Variants in PCBP3 observed in about 807,000 individuals in gnomAD.
PCBP3 encodes poly(rC)-binding protein 3.
A neutral mutation model predicts 52.7 loss-of-function variants in PCBP3; 25 were observed. The observed-to-expected ratio is 0.47, with a 90% CI of 0.35 to 0.66. The LOEUF (loss-of-function observed/expected upper bound fraction) is 0.66. Among genes scored for constraint, PCBP3 ranks in the 30% least tolerant of loss-of-function variants. The pLI is 0.01. For missense variants in PCBP3, 391 were observed against 490.3 expected, an observed-to-expected ratio of 0.80 and a Z score of 1.91; for synonymous variants, 162 against 183.0, an observed-to-expected ratio of 0.89 and a Z score of 0.93.
rs1414699736 is a variant in PCBP3 at position 45,737,883 on chromosome 21, T to C, written c.-162+2454T>C. On this transcript the variant is annotated intron_variant, in intron 3 of 17. Coordinates refer to ENST00000681687, the MANE Select transcript of PCBP3 (RefSeq NM_001384156.1). The surrounding 1 kb of genome is among the most constrained non-coding windows in gnomAD (Gnocchi z 4.9). ...CCATGATGAAGCAGAGCGGAGCTCA[T>C]CTGAGTGGATGTTTCCCAGGGGAGC... is the stretch of plus-strand genomic sequence containing the variant. Among the ~76,000 whole-genome samples the C allele has an allele frequency of 6.6e-6, 1 of 152,242 alleles. No homozygotes were observed. The highest frequency in any genetic ancestry group is 1.5e-5 in the Non-Finnish European group (1 of 68,042).
At chr21:45,858,620 C>G (rs770228741) in intron 5 of PCBP3, 1 of 152,200 alleles carries the variant, frequency 6.6e-6, no homozygotes, top group Non-Finnish European at 1.5e-5. Flanking sequence ...GACTCTGTTC[C>G]CAAACTGAAC....
At chr21:45,903,509 G>T (rs971747673) in intron 9 of PCBP3, among the ~76,000 whole-genome samples, 5 of 152,116 alleles carry the variant, frequency 3.3e-5, no homozygotes, top group Non-Finnish European at 5.9e-5. Flanking sequence ...CATCCCTGGG[G>T]CCTGGTGGTG....
At chr21:45,706,529 T>G (rs1299817716) in intron 2 of PCBP3, among the ~76,000 whole-genome samples, 3 of 152,024 alleles carry the variant, frequency 2.0e-5, no homozygotes, top group African/African-American at 7.3e-5. Context: ...CTATCTCTAT[T>G]TCTCTCTCTC....
Position 45,650,560 on chromosome 21 carries a change from C to G in PCBP3, c.-279+6692C>G, listed in dbSNP as rs544472539. On this transcript the variant is annotated intron_variant, in intron 1 of 17. Transcript: ENST00000681687. ...TGAAGTCCTGGACTCGAGTGATCTTCTTGCCTTAACTTCTTGATTAGCTGG... is the reference window on the plus strand; with the variant it reads ...TGAAGTCCTGGACTCGAGTGATCTTGTTGCCTTAACTTCTTGATTAGCTGG... Among the ~76,000 whole-genome samples the G allele has an allele frequency of 6.6e-5, 10 of 152,236 alleles. No homozygotes were observed. The East Asian group carries it at 1.9e-3, about 29-fold the overall frequency.
At chr21:45,831,022 G>A (rs1292379047) in intron 4 of PCBP3, 2 of 152,412 alleles carry the variant, frequency 1.3e-5, no homozygotes, top group African/African-American at 4.8e-5. Context: ...TGGAGCTGAA[G>A]CCAGTTTTCT....
At chr21:45,924,942 T>C (rs548666227) in intron 13 of PCBP3, among the ~76,000 whole-genome samples, 15 of 39,276 alleles carry the variant, frequency 3.8e-4, no homozygotes, top group African/African-American at 1.5e-3. Flanking sequence ...CGGGTGTGCG[T>C]GAGGAGATGC....
At chr21:45,661,853 T>TTGTTGTTGTAAGATG (rs1319865454) in intron 1 of PCBP3, among the ~76,000 whole-genome samples, 1 of 152,254 alleles carries the variant, frequency 6.6e-6, no homozygotes, top group Non-Finnish European at 1.5e-5. Flanking sequence ...TGTAAGATGA[T>TTGTTGTTGTAAGATG]ATCTCATTGT....
intron 17 of PCBP3, among the ~76,000 whole-genome samples, chr21:45,940,700 C>T (rs879609748): frequency 2.6e-5 from 4 of 152,104 alleles, no homozygotes; most frequent in Non-Finnish European, 5.9e-5. Context: ...CTGCACCCCA[C>T]TCGGCCTCAA....
rs1313018057 is a variant in PCBP3, at chr21:45,724,729, G to A, written c.-199-10663G>A. Among the ~76,000 whole-genome samples the A allele has an allele frequency of 2.0e-5, 3 of 151,742 alleles. No individual in the cohort carries two copies. Among genetic ancestry groups the A allele is most frequent in the Middle Eastern group, 3.4e-3 (1 of 294 alleles). ...GAACCCGCCCCCCTCAGCTGGAGTGGCACTCTGTAACCCGCCCCCCCTCAG... is the reference window on the plus strand; with the variant it reads ...GAACCCGCCCCCCTCAGCTGGAGTGACACTCTGTAACCCGCCCCCCCTCAG... On this transcript the variant is annotated intron_variant, in intron 2 of 17. Coordinates refer to ENST00000681687, the MANE Select transcript of PCBP3 (RefSeq NM_001384156.1). The surrounding 1 kb of genome is among the most constrained non-coding windows in gnomAD (Gnocchi z 5.3).
intron 4 of PCBP3, among the ~76,000 whole-genome samples, chr21:45,766,235 A>G (rs577358667): frequency 7.2e-5 from 11 of 152,328 alleles, no homozygotes; most frequent in African/African-American, 2.6e-4. Flanking sequence ...TGTGCCTCAC[A>G]TGACTTTCTC....
intron 5 of PCBP3, among the ~76,000 whole-genome samples, chr21:45,856,914 T>A (rs754434252): frequency 6.6e-6 from 1 of 152,186 alleles, no homozygotes. Flanking sequence ...ATCAGTAAAT[T>A]TAAACATTTT....
At chr21:45,661,796 C>T (rs1006299463) in intron 1 of PCBP3, among the ~76,000 whole-genome samples, 1 of 152,130 alleles carries the variant, frequency 6.6e-6, no homozygotes, top group African/African-American at 2.4e-5. Flanking sequence ...GCATACTTGC[C>T]AACATCTGTC....
At chr21:45,873,860 A>G (rs2095137781) in intron 5 of PCBP3, among the ~76,000 whole-genome samples, 1 of 152,184 alleles carries the variant, frequency 6.6e-6, no homozygotes, top group African/African-American at 2.4e-5. Context: ...CAGTGGTGCA[A>G]CCTCAGCTCA....
intron 4 of PCBP3, among the ~76,000 whole-genome samples, chr21:45,836,684 G>T (rs1012891750): frequency 2.0e-5 from 3 of 151,984 alleles, no homozygotes; most frequent in Non-Finnish European, 4.4e-5. Context: ...GCTGCCGTGG[G>T]TGCTTCCTCT....
intron 5 of PCBP3, among the ~76,000 whole-genome samples, chr21:45,885,838 T>C (rs1384352072): frequency 1.3e-5 from 2 of 152,270 alleles, no homozygotes; most frequent in African/African-American, 2.4e-5. Flanking sequence ...CACTTCTTTG[T>C]CAGAGGATTC....
At chr21:45,717,113 T>G (rs1013516329) in intron 2 of PCBP3, among the ~76,000 whole-genome samples, 1 of 152,178 alleles carries the variant, frequency 6.6e-6, no homozygotes, top group Non-Finnish European at 1.5e-5. Context: ...TTTGCTGCTA[T>G]TACGAATGGA....
At chr21:45,695,606 T>G (rs2082721860) in intron 2 of PCBP3, among the ~76,000 whole-genome samples, 1 of 152,188 alleles carries the variant, frequency 6.6e-6, no homozygotes, top group African/African-American at 2.4e-5. Flanking sequence ...ATTCCTATAT[T>G]CTTTACAGTG....
intron 5 of PCBP3, among the ~76,000 whole-genome samples, chr21:45,860,917 G>A (rs762795730): frequency 8.5e-5 from 13 of 152,152 alleles, no homozygotes; most frequent in Admixed American, 3.9e-4. Flanking sequence ...GACTGTGTTC[G>A]GCCTCCACTC....
chr21:45,891,663 C>G (rs1214611313), intron 5 of PCBP3, among the ~76,000 whole-genome samples: 1 of 152,174 alleles, frequency 6.6e-6, no homozygotes, highest in East Asian at 1.9e-4. Flanking sequence ...TATACACGGG[C>G]AAGATTGTCA....
Sources: gnomAD v4.1 joint callset for allele counts (sites outside exome capture counted in the v4.1 genomes callset) on GRCh38, gnomAD v4.1.1 for gene constraint, Gnocchi (gnomAD v3.1) non-coding constraint, MANE v1.5 for transcripts, NCBI Gene and HGNC (gene_info 2026-07-23, HGNC 2026-07-21) for gene names.